Variants in ODAD2 observed in about 807,000 individuals in gnomAD.
ODAD2 encodes outer dynein arm docking complex subunit 2.
In ODAD2, 89 loss-of-function variants were observed where a neutral mutation model predicts 106.8. The observed-to-expected ratio is 0.83, with a 90% CI of 0.70 to 0.99. The LOEUF (loss-of-function observed/expected upper bound fraction) is 0.99. Ranked by LOEUF, ODAD2 falls within the 50% of genes least tolerant of loss-of-function variation. The pLI is 0.00. For synonymous variants in ODAD2, 404 were observed against 436.2 expected (o/e 0.93, Z 0.92); for missense variants, 1,168 against 1,238.5 (o/e 0.94, Z 0.85).
chr10:27,886,742 G>A (rs533191804), intron 17 of ODAD2, among the ~76,000 whole-genome samples: 5 of 152,116 alleles, frequency 3.3e-5, no homozygotes, highest in South Asian at 2.1e-4. Context: ...CATTCATAAC[G>A]TAGTGTGTGG....
At chr10:27,871,779 T>C (rs1237514582) in intron 17 of ODAD2, among the ~76,000 whole-genome samples, 1 of 152,174 alleles carries the variant, frequency 6.6e-6, no homozygotes, top group South Asian at 2.1e-4. Context: ...TAGTTTGAAG[T>C]CAGGTAGCGT....
chr10:27,850,448 A>G (rs1041894689), intron 19 of ODAD2, among the ~76,000 whole-genome samples: 3 of 149,610 alleles, frequency 2.0e-5, no homozygotes, highest in African/African-American at 7.3e-5. Context: ...CCGTCTCAAA[A>G]AAAAAAAAAA....
At chr10:27,970,816 TAA>T (rs747934694) in intron 8 of ODAD2, among the ~76,000 whole-genome samples, 27 of 151,462 alleles carry the variant, frequency 1.8e-4, no homozygotes, top group Non-Finnish European at 3.1e-4. Context: ...TTACAAAAAA[TAA>T]AAAGTTAGCC....
At chr10:27,864,022 A>G (rs1840258606) in intron 17 of ODAD2, among the ~76,000 whole-genome samples, 1 of 151,986 alleles carries the variant, frequency 6.6e-6, no homozygotes, top group South Asian at 2.1e-4. Context: ...GATTTTTATC[A>G]ATTTTTTATC....
At chr10:27,941,323 GA>G (rs10708986) in intron 12 of ODAD2, among the ~76,000 whole-genome samples, 73,100 of 139,364 alleles carry the variant, frequency 0.52, 18,413 homozygotes, top group Middle Eastern at 0.64. Context: ...GTTTCCACTG[GA>G]AAAAAAAAAA....
At chr10:27,843,611 G>C (rs117840923) in intron 19 of ODAD2, among the ~76,000 whole-genome samples, 8,205 of 151,940 alleles carry the variant, frequency 0.054, 316 homozygotes, top group East Asian at 0.16. Context: ...ACTAAAAATA[G>C]AAAAAAATTA....
intron 12 of ODAD2, among the ~76,000 whole-genome samples, chr10:27,941,852 C>T (rs762040375): frequency 5.3e-4 from 80 of 152,072 alleles, no homozygotes; most frequent in Non-Finnish European, 7.5e-4. Flanking sequence ...CTGCCCGTAA[C>T]CACCAATCTC....
At chr10:27,920,641 T>C (rs1844709782) in intron 16 of ODAD2, among the ~76,000 whole-genome samples, 1 of 152,038 alleles carries the variant, frequency 6.6e-6, no homozygotes, top group South Asian at 2.1e-4. Flanking sequence ...AAAATGAAAA[T>C]GTGAGAGGAA....
chr10:27,928,223 A>G (rs7093804), intron 16 of ODAD2, among the ~76,000 whole-genome samples: 4,706 of 152,078 alleles, frequency 0.031, 252 homozygotes, highest in African/African-American at 0.11. Flanking sequence ...TGGTACCAAT[A>G]TCCATATAGT....
At chr10:27,843,378 G>A (rs1296101634) in intron 19 of ODAD2, among the ~76,000 whole-genome samples, 2 of 152,180 alleles carry the variant, frequency 1.3e-5, no homozygotes, top group African/African-American at 4.8e-5. Context: ...AGCGGATGGT[G>A]TAGTGTACCA....
At chr10:27,892,882 C>T (rs1464443576) in intron 17 of ODAD2, among the ~76,000 whole-genome samples, 2 of 152,174 alleles carry the variant, frequency 1.3e-5, no homozygotes, top group African/African-American at 2.4e-5. Context: ...GGTGTGGTAA[C>T]TCACGCCTGT....
rs370164015 is a variant in ODAD2 at position 27,944,373 on chromosome 10, A to G, written c.1592T>C (p.Ile531Thr). 6 of 1,613,910 alleles carry G rather than the reference A, an allele frequency of 3.7e-6. No homozygotes were observed. Among genetic ancestry groups the G allele is most frequent in the African/African-American group, 1.3e-5 (1 of 74,910 alleles). The stretch of plus-strand genomic sequence containing the variant: ...AATTGGTAAGCCCCCAAGGTCAACA[A>G]TATTCTGTCTGATTTGAGGATTATG... ...ISHNPQIRQN[I>T]VDLGGLPIMV... Residue 531 changes from isoleucine (I) to threonine (T), a missense_variant, in exon 12 of 20, where the codon ATT becomes ACT. Ile to Thr is a moderately conservative substitution (Grantham distance 89). This residue lies in a region of ODAD2 where 701 missense variants were observed against 712.3 expected (regional missense o/e 0.98). Transcript: ENST00000305242.
chr10:27,835,645 C>CA (rs1780768101), intron 19 of ODAD2, among the ~76,000 whole-genome samples: 1 of 152,118 alleles, frequency 6.6e-6, no homozygotes, highest in African/African-American at 2.4e-5. Context: ...GTTTGTATAT[C>CA]ATGTATATTA....
intron 19 of ODAD2, among the ~76,000 whole-genome samples, chr10:27,826,787 A>C (rs1381716821): frequency 6.6e-6 from 1 of 151,790 alleles, no homozygotes; most frequent in Non-Finnish European, 1.5e-5. Context: ...TGCTCTTGCC[A>C]ATTAACATTT....
At chr10:27,950,773 G>T (rs969306081) in intron 10 of ODAD2, among the ~76,000 whole-genome samples, 5 of 151,898 alleles carry the variant, frequency 3.3e-5, no homozygotes, top group African/African-American at 1.2e-4. Flanking sequence ...TTTTTAATTT[G>T]CCATGGAACA....
chr10:27,992,777 A>C (rs1850306207), intron 2 of ODAD2, among the ~76,000 whole-genome samples: 1 of 152,212 alleles, frequency 6.6e-6, no homozygotes, highest in South Asian at 2.1e-4. Context: ...AAATAGTGAT[A>C]GATTTGAGAG....
chr10:27,826,749 T>C (rs1837078373), intron 19 of ODAD2, among the ~76,000 whole-genome samples: 2 of 152,068 alleles, frequency 1.3e-5, no homozygotes, highest in South Asian at 2.1e-4. Flanking sequence ...CTTTCCGGTA[T>C]TTTCACTGCC....
At chr10:27,865,109 T>C (rs1411133224) in intron 17 of ODAD2, among the ~76,000 whole-genome samples, 1 of 152,142 alleles carries the variant, frequency 6.6e-6, no homozygotes, top group Non-Finnish European at 1.5e-5. Context: ...CAACGTTGTT[T>C]GCAAACCTTT....
chr10:27,888,054 C>T (rs1053736329), intron 17 of ODAD2, among the ~76,000 whole-genome samples: 1 of 151,878 alleles, frequency 6.6e-6, no homozygotes, highest in African/African-American at 2.4e-5. Context: ...AAAAAGCCTC[C>T]CAACGAAGAA....
Sources: gnomAD v4.1 joint callset for allele counts (sites outside exome capture counted in the v4.1 genomes callset) on GRCh38, gnomAD v4.1.1 for gene constraint, gnomAD v4.1.1 regional missense constraint, MANE v1.5 for transcripts, NCBI Gene and HGNC (gene_info 2026-07-23, HGNC 2026-07-21) for gene names.